The following C1orf21 variants were observed in gnomAD, a reference collection of about 807,000 sequenced individuals.
The protein encoded by C1orf21 is chromosome 1 open reading frame 21.
C1orf21 carries 3 observed loss-of-function variants against 18.7 expected under a neutral mutation model. The observed-to-expected ratio is 0.16, with a 90% CI of 0.07 to 0.42. The LOEUF (loss-of-function observed/expected upper bound fraction) is 0.42. Among genes scored for constraint, C1orf21 ranks in the 10% least tolerant of loss-of-function variants. The pLI is 0.99. For synonymous variants in C1orf21, 41 were observed against 46.4 expected, an observed-to-expected ratio of 0.88 and a Z score of 0.47; for missense variants, 104 against 143.6, an observed-to-expected ratio of 0.72 and a Z score of 1.41.
At chr1:184,451,859 C>T (rs1025133281) in intron 1 of C1orf21, among the ~76,000 whole-genome samples, 1 of 152,104 alleles carries the variant, frequency 6.6e-6, no homozygotes, top group Non-Finnish European at 1.5e-5. Flanking sequence ...TCAAGTTTTC[C>T]GTGTTTATAA....
rs1659109299 is a variant in C1orf21, at chr1:184,571,315, AAAAG to A, written c.190-19420_190-19417del. On this transcript the variant is annotated intron_variant, in intron 3 of 5. Coordinates refer to ENST00000235307, the MANE Select transcript of C1orf21 (RefSeq NM_030806.4). ...CCGTCTCAAAAAAAAAAAAAAAAAA[AAAAG>A]AAAAGGTACGGTAAAAATACAGTAT... Among the ~76,000 whole-genome samples the A allele has an allele frequency of 2.6e-5, 4 of 151,684 alleles. No homozygotes were observed. The South Asian group carries it at 8.3e-4, about 32-fold the overall frequency.
chr1:184,564,283 GAAT>G (rs947845993), intron 3 of C1orf21, among the ~76,000 whole-genome samples: 4 of 152,072 alleles, frequency 2.6e-5, no homozygotes, highest in Non-Finnish European at 4.4e-5. Flanking sequence ...TGGTCTTACA[GAAT>G]AATAATAATA....
intron 3 of C1orf21, chr1:184,567,517 C>T (rs921695668): frequency 4.1e-5 from 22 of 530,136 alleles, no homozygotes; most frequent in Middle Eastern, 5.8e-4. Flanking sequence ...TGAACTCTAA[C>T]ACCATCCTCC....
At chr1:184,592,306 G>A (rs1396559925) in intron 4 of C1orf21, 1 of 152,182 alleles carries the variant, frequency 6.6e-6, no homozygotes, top group Non-Finnish European at 1.5e-5. Context: ...GATCTATTGA[G>A]TGCCTAATAC....
At chr1:184,467,958 GT>G (rs1364076623) in intron 1 of C1orf21, among the ~76,000 whole-genome samples, 1 of 151,664 alleles carries the variant, frequency 6.6e-6, no homozygotes, top group Non-Finnish European at 1.5e-5. Context: ...GGTATTCTCT[GT>G]TGTAGTTTTC....
intron 3 of C1orf21, among the ~76,000 whole-genome samples, chr1:184,531,059 A>G (rs1658455893): frequency 6.6e-6 from 1 of 152,320 alleles, no homozygotes; most frequent in Non-Finnish European, 1.5e-5. Context: ...AACTAAAGCT[A>G]TACAAATTTC....
rs1657480904 is a variant in C1orf21, at chr1:184,470,651, G to T, written c.-124-6735G>T. On this transcript the variant is annotated intron_variant, in intron 1 of 5. Transcript: ENST00000235307. Reference sequence around the variant, plus strand: ...CCCAGTACTTTGGGAGGCCAAGATGGGAAGATCACTTGAGGTTAGGAGTTC... The same window carrying T: ...CCCAGTACTTTGGGAGGCCAAGATGTGAAGATCACTTGAGGTTAGGAGTTC... Among the ~76,000 whole-genome samples the T allele has an allele frequency of 2.6e-5, 4 of 152,152 alleles. No homozygotes were observed. In the South Asian group the frequency reaches 8.3e-4, roughly 32 times the overall value.
chr1:184,416,584 A>G (rs1004251383), intron 1 of C1orf21, among the ~76,000 whole-genome samples: 2 of 152,194 alleles, frequency 1.3e-5, no homozygotes, highest in East Asian at 3.9e-4. Flanking sequence ...CTTCAAAGTC[A>G]GGTAATGATC....
rs1410039401 is a variant in C1orf21, at chr1:184,624,983, A to G, written c.*5427A>G. 2 of 152,192 alleles carry G rather than the reference A, an allele frequency of 1.3e-5. No individual in the cohort carries two copies. The highest frequency in any genetic ancestry group is 2.4e-5 in the African/African-American group (1 of 41,438). The allele number at this position is 152,192 out of a possible 1,614,324, so 9.4% of individuals were successfully genotyped here. A position where few individuals can be genotyped will look rare whatever the true frequency, so the allele number is the denominator to read the frequency against. On this transcript the variant is annotated 3_prime_UTR_variant, in exon 6 of 6. Transcript: ENST00000235307. The stretch of plus-strand genomic sequence containing the variant: ...CTGTCATATCCAGTTTTCCTTTGAA[A>G]TCTGGCCCCCAAGATCCTGCTTCTT...
chr1:184,540,750 T>C (rs1489045337), intron 3 of C1orf21, among the ~76,000 whole-genome samples: 1 of 152,212 alleles, frequency 6.6e-6, no homozygotes, highest in Non-Finnish European at 1.5e-5. Context: ...TAATCTAGTT[T>C]TAGAAAAAGT....
chr1:184,428,516 ATGT>A (rs1377264587), intron 1 of C1orf21, among the ~76,000 whole-genome samples: 5 of 152,212 alleles, frequency 3.3e-5, no homozygotes, highest in Admixed American at 6.5e-5. Flanking sequence ...GTCACACTTC[ATGT>A]TGTATCAGAA....
chr1:184,408,056 T>G (rs1656277332), intron 1 of C1orf21, among the ~76,000 whole-genome samples: 1 of 152,212 alleles, frequency 6.6e-6, no homozygotes, highest in Non-Finnish European at 1.5e-5. Context: ...AGTTCTCATT[T>G]TCACTTTTTA....
At chr1:184,555,310 C>T (rs1249527301) in intron 3 of C1orf21, among the ~76,000 whole-genome samples, 1 of 152,186 alleles carries the variant, frequency 6.6e-6, no homozygotes, top group Non-Finnish European at 1.5e-5. Context: ...CTGGCATCTT[C>T]TGCCAGACCT....
chr1:184,433,498 CCAATTTCTTAGT>C (rs1656805004), intron 1 of C1orf21, among the ~76,000 whole-genome samples: 1 of 152,118 alleles, frequency 6.6e-6, no homozygotes, highest in South Asian at 2.1e-4. Flanking sequence ...GGAATAAACT[CCAATTTCTTAGT>C]ACAATATGCA....
At chr1:184,550,616 C>G (rs1658799347) in intron 3 of C1orf21, among the ~76,000 whole-genome samples, 1 of 152,160 alleles carries the variant, frequency 6.6e-6, no homozygotes, top group African/African-American at 2.4e-5. Context: ...CTCACTGCAG[C>G]CTTGACCTCC....
intron 1 of C1orf21, among the ~76,000 whole-genome samples, chr1:184,424,935 C>T (rs574535902): frequency 6.6e-6 from 1 of 152,316 alleles, no homozygotes; most frequent in Admixed American, 6.5e-5. Flanking sequence ...GAACACCTAG[C>T]CCTGTATACC....
intron 1 of C1orf21, among the ~76,000 whole-genome samples, chr1:184,403,627 AAC>A (rs1388047538): frequency 2.0e-5 from 3 of 152,240 alleles, no homozygotes; most frequent in Non-Finnish European, 4.4e-5. Flanking sequence ...ACAAAAGAGA[AAC>A]AAAACAACAA....
intron 1 of C1orf21, among the ~76,000 whole-genome samples, chr1:184,430,598 A>T (rs1312867078): frequency 6.6e-6 from 1 of 152,180 alleles, no homozygotes; most frequent in Non-Finnish European, 1.5e-5. Context: ...AATTTTTCTT[A>T]TCTGATAAGT....
rs1656794116 is a variant in C1orf21, at chr1:184,433,159, C to G, written c.-124-44227C>G. Among the ~76,000 whole-genome samples, 3 of 152,128 alleles carry G rather than the reference C, an allele frequency of 2.0e-5. No individual in the cohort carries two copies. The South Asian group carries it at 6.2e-4, about 32-fold the overall frequency. The stretch of plus-strand genomic sequence containing the variant: ...GGTGTAGCAGGTCTGGCAGCTTTTC[C>G]CATGATTGTAGGGATGTGGTGGGGT... On this transcript the variant is annotated intron_variant, in intron 1 of 5. Transcript: ENST00000235307.
Sources: gnomAD v4.1 joint callset for allele counts (sites outside exome capture counted in the v4.1 genomes callset) on GRCh38, gnomAD v4.1.1 for gene constraint, MANE v1.5 for transcripts, NCBI Gene and HGNC (gene_info 2026-07-23, HGNC 2026-07-21) for gene names.